TMC1: variants seen among roughly 807,000 people sequenced by gnomAD.
The protein encoded by TMC1 is transmembrane channel like 1, also known as transmembrane channel-like protein 1.
TMC1 carries 84 observed loss-of-function variants against 105.8 expected under a neutral mutation model. That is an observed-to-expected ratio of 0.79 (90% CI 0.67 to 0.95). The LOEUF is 0.95. Ranked by LOEUF, TMC1 falls within the 40% of genes least tolerant of loss-of-function variation. The probability of loss-of-function intolerance (pLI) is 0.00; values close to 1 mark genes in which losing one functional copy is unlikely to be tolerated. For synonymous variants in TMC1, 315 were observed against 311.5 expected, an observed-to-expected ratio of 1.01 and a Z score of -0.12; for missense variants, 817 against 914.1, an observed-to-expected ratio of 0.89 and a Z score of 1.37.
chr9:72,752,328 C>T (rs2118057707), intron 11 of TMC1, among the ~76,000 whole-genome samples: 1 of 152,102 alleles, frequency 6.6e-6, no homozygotes, highest in South Asian at 2.1e-4. Context: ...CTTTATTTTG[C>T]CAAGTTAGCT....
At chr9:72,808,545 C>G (rs1828641017) in intron 18 of TMC1, among the ~76,000 whole-genome samples, 1 of 152,230 alleles carries the variant, frequency 6.6e-6, no homozygotes, top group Non-Finnish European at 1.5e-5. Context: ...AGAAAGAATA[C>G]TCTATGAAAA....
At chr9:72,602,924 G>A (rs1206337210) in intron 2 of TMC1, among the ~76,000 whole-genome samples, 5 of 152,130 alleles carry the variant, frequency 3.3e-5, no homozygotes, top group Admixed American at 6.6e-5. Flanking sequence ...TCAGTTTATG[G>A]CTTTTAGTTT....
At chr9:72,545,199 C>T (rs1564401027) in intron 1 of TMC1, among the ~76,000 whole-genome samples, 2 of 150,440 alleles carry the variant, frequency 1.3e-5, no homozygotes, top group African/African-American at 2.5e-5. Context: ...TATATATACA[C>T]ATATATATAT....
At chr9:72,808,126 C>A (rs758950620) in intron 18 of TMC1, among the ~76,000 whole-genome samples, 6 of 152,194 alleles carry the variant, frequency 3.9e-5, no homozygotes, top group Non-Finnish European at 8.8e-5. Context: ...GAATGATTTC[C>A]AAATCCCTTT....
intron 5 of TMC1, 64 bp downstream of exon 5, chr9:72,648,728 G>A: frequency 7.0e-7 from 1 of 1,438,570 alleles, no homozygotes; most frequent in Non-Finnish European, 9.8e-7. Context: ...AAAGGTATTT[G>A]AAAACTTTGG....
At chr9:72,716,860 A>C (rs1588047269) in intron 8 of TMC1, among the ~76,000 whole-genome samples, 1 of 152,148 alleles carries the variant, frequency 6.6e-6, no homozygotes, top group Admixed American at 6.5e-5. Flanking sequence ...ACGGCAGCCC[A>C]GTTTTGTGTT....
intron 5 of TMC1, among the ~76,000 whole-genome samples, chr9:72,663,351 G>T (rs1170564229): frequency 6.6e-6 from 1 of 152,160 alleles, no homozygotes; most frequent in African/African-American, 2.4e-5. Flanking sequence ...CCAATCTTAG[G>T]TTCTGTAATA....
chr9:72,807,944 C>T (rs552363018), intron 18 of TMC1, among the ~76,000 whole-genome samples: 9 of 152,274 alleles, frequency 5.9e-5, no homozygotes, highest in Non-Finnish European at 8.8e-5. Flanking sequence ...CCTCAGGTCC[C>T]CCAACAAAGT....
intron 1 of TMC1, among the ~76,000 whole-genome samples, chr9:72,571,975 TACAGGCATGTACTA>T (rs979978009): frequency 4.6e-5 from 7 of 151,940 alleles, no homozygotes; most frequent in Non-Finnish European, 8.8e-5. Flanking sequence ...TAGCTGGGAT[TACAGGCATGTACTA>T]CCACACTCGG....
intron 1 of TMC1, among the ~76,000 whole-genome samples, chr9:72,558,315 C>T (rs762252247): frequency 1.2e-4 from 19 of 152,188 alleles, no homozygotes; most frequent in Non-Finnish European, 1.3e-4. Flanking sequence ...TGAGTTAAAT[C>T]TCTTCCCTTT....
intron 5 of TMC1, among the ~76,000 whole-genome samples, chr9:72,685,313 A>G (rs1198641771): frequency 1.3e-5 from 2 of 148,366 alleles, no homozygotes; most frequent in African/African-American, 5.0e-5. Context: ...TCACTGTGTT[A>G]GCCAGGATGG....
chr9:72,618,015 G>T (rs1564447976), intron 3 of TMC1, among the ~76,000 whole-genome samples: 1 of 141,864 alleles, frequency 7.0e-6, no homozygotes, highest in African/African-American at 2.6e-5. Context: ...GACTTCTCTG[G>T]GTACATCTTT....
At chr9:72,655,557 A>G (rs544089441) in intron 5 of TMC1, among the ~76,000 whole-genome samples, 1 of 152,240 alleles carries the variant, frequency 6.6e-6, no homozygotes, top group South Asian at 2.1e-4. Context: ...CCTGGTCAAC[A>G]TGGTGAAACC....
At chr9:72,660,868 T>C (rs1022396131) in intron 5 of TMC1, among the ~76,000 whole-genome samples, 3 of 152,136 alleles carry the variant, frequency 2.0e-5, no homozygotes, top group Admixed American at 6.5e-5. Flanking sequence ...TTCATCCAAG[T>C]ATTTGGATGG....
intron 13 of TMC1, among the ~76,000 whole-genome samples, chr9:72,782,111 C>A (rs1435445176): frequency 6.6e-6 from 1 of 152,120 alleles, no homozygotes; most frequent in Non-Finnish European, 1.5e-5. Flanking sequence ...AAGTAATTTA[C>A]CATGATCAAG....
In TMC1 at chr9:72,791,485, T is replaced by G. The variant is rs541838867; in HGVS notation, c.1225-401T>G. 4.6e-5 allele frequency among the ~76,000 whole-genome samples: 7 copies of G among 152,356 alleles called. No homozygotes were observed. In the East Asian group the frequency reaches 9.6e-4, roughly 21 times the overall value. On this transcript the variant is annotated intron_variant, in intron 15 of 23. Coordinates refer to ENST00000297784, the MANE Select transcript of TMC1 (RefSeq NM_138691.3). The stretch of plus-strand genomic sequence containing the variant: ...GCCCATATGCTGATGATTGTCAGAT[T>G]AGAATTTTCAGTTTGAACCTCCTCC...
At chr9:72,766,874 A>C (rs1039848985) in intron 12 of TMC1, among the ~76,000 whole-genome samples, 1 of 152,220 alleles carries the variant, frequency 6.6e-6, no homozygotes, top group Non-Finnish European at 1.5e-5. Flanking sequence ...AAACTCAGAG[A>C]TGAGCAAAGT....
chr9:72,836,227 T>C lies in TMC1; in HGVS notation c.*254T>C. Reference sequence around the variant, plus strand: ...CCCTGCTCCATTTCGTGACTTTTTTTTTTTTTTTAACAAATTGAGTTTAGA... The same window carrying C: ...CCCTGCTCCATTTCGTGACTTTTTTCTTTTTTTTAACAAATTGAGTTTAGA... On this transcript the variant is annotated 3_prime_UTR_variant, in exon 24 of 24. Transcript: ENST00000297784. 1 of 548,258 alleles carries C rather than the reference T, an allele frequency of 1.8e-6. No homozygotes were observed. Among genetic ancestry groups the C allele is most frequent in the Non-Finnish European group, 3.2e-6 (1 of 308,096 alleles). The allele number at this position is 548,258 out of a possible 1,614,324, so 34.0% of individuals were successfully genotyped here.
At chr9:72,665,543 T>C (rs1248125543) in intron 5 of TMC1, among the ~76,000 whole-genome samples, 1 of 152,210 alleles carries the variant, frequency 6.6e-6, no homozygotes, top group East Asian at 1.9e-4. Context: ...TCCAGGGTGC[T>C]TTAGCACTGC....
Sources: allele counts gnomAD v4.1 joint callset (sites outside exome capture counted in the v4.1 genomes callset), GRCh38; gene constraint gnomAD v4.1.1; transcripts MANE v1.5; gene names NCBI Gene and HGNC (gene_info 2026-07-23, HGNC 2026-07-21).